RANBP17: variants seen among roughly 807,000 people sequenced by gnomAD.
RANBP17 encodes ran-binding protein 17.
Under a neutral mutation model 141.2 loss-of-function variants are expected in RANBP17, and 158 were observed. That is an observed-to-expected ratio of 1.12 (90% CI 0.98 to 1.28). The LOEUF (loss-of-function observed/expected upper bound fraction) is 1.28, where lower values mean the gene tolerates loss of function less well. RANBP17 is among the 50% of genes most tolerant of loss of function. RANBP17 has a pLI of 0.00. For missense variants in RANBP17, 1,438 were observed against 1,290.7 expected (o/e 1.11, Z -1.75); for synonymous variants, 430 against 450.0 (o/e 0.96, Z 0.56).
At chr5:171,048,598 C>T (rs61612661) in intron 14 of RANBP17, among the ~76,000 whole-genome samples, 4,131 of 152,082 alleles carry the variant, frequency 0.027, 156 homozygotes, top group African/African-American at 0.089. Context: ...CCATAGTACT[C>T]GATAGGTAGT....
chr5:171,006,279 A>G lies in RANBP17; in HGVS notation c.1710+37902A>G, dbSNP rs192484531. 4.7e-3 allele frequency among the ~76,000 whole-genome samples: 723 copies of G among 152,362 alleles called. 4 individuals are homozygous for G. The highest frequency in any genetic ancestry group is 0.017 in the African/African-American group (701 of 41,588). ...CCAAAGAATTATAAAACATGCTGCTATAAAAACACATGCACACGTATGTTC... is the reference window on the plus strand; with the variant it reads ...CCAAAGAATTATAAAACATGCTGCTGTAAAAACACATGCACACGTATGTTC... On this transcript the variant is annotated intron_variant, in intron 14 of 27. Coordinates refer to ENST00000523189, the MANE Select transcript of RANBP17 (RefSeq NM_022897.5).
chr5:171,071,250 T>G (rs1784618515), intron 14 of RANBP17, among the ~76,000 whole-genome samples: 1 of 152,112 alleles, frequency 6.6e-6, no homozygotes. Context: ...TTAGTGCAAT[T>G]GAGCTCAATA....
intron 14 of RANBP17, among the ~76,000 whole-genome samples, chr5:171,052,910 TG>T (rs1783049571): frequency 2.0e-5 from 3 of 151,922 alleles, no homozygotes. Flanking sequence ...TGGGGTACAA[TG>T]GCACGATCTC....
chr5:171,007,149 A>T (rs1272892061), intron 14 of RANBP17, among the ~76,000 whole-genome samples: 1 of 152,154 alleles, frequency 6.6e-6, no homozygotes, highest in African/African-American at 2.4e-5. Flanking sequence ...GTTGAATTGT[A>T]GGACAGAGTT....
chr5:171,138,876 G>A (rs1757499421), intron 14 of RANBP17, among the ~76,000 whole-genome samples: 1 of 152,122 alleles, frequency 6.6e-6, no homozygotes, highest in Non-Finnish European at 1.5e-5. Context: ...AGGAATTCAA[G>A]ACTATCCCGG....
At chr5:170,895,980 T>A (rs1770080454) in intron 4 of RANBP17, 70 bp from the exon 5 acceptor site, 3 of 732,898 alleles carry the variant, frequency 4.1e-6, no homozygotes, top group African/African-American at 1.8e-5. Context: ...TTGTAAATGT[T>A]ACCTGGTATA....
intron 25 of RANBP17, among the ~76,000 whole-genome samples, chr5:171,289,346 C>A (rs913596400): frequency 1.3e-5 from 2 of 152,198 alleles, no homozygotes; most frequent in African/African-American, 4.8e-5. Context: ...GAGCCTTCAA[C>A]TTTCTTAGAA....
intron 14 of RANBP17, among the ~76,000 whole-genome samples, chr5:171,141,424 A>G (rs974047669): frequency 1.4e-5 from 2 of 147,534 alleles, no homozygotes; most frequent in African/African-American, 5.1e-5. Context: ...GTGAAACCCC[A>G]TCTCTACTAA....
chr5:170,896,037 A>C lies in RANBP17; in HGVS notation c.424-13A>C. 2 of 1,561,660 alleles carry C rather than the reference A, an allele frequency of 1.3e-6. No homozygotes were observed. The highest frequency in any genetic ancestry group is 1.7e-6 in the Non-Finnish European group (2 of 1,151,362). ...GTCTCCACTTAGGCTAAACTTTGTTATTTTCTCCAAAGGGTACTGTGGAAC... is the reference window on the plus strand; with the variant it reads ...GTCTCCACTTAGGCTAAACTTTGTTCTTTTCTCCAAAGGGTACTGTGGAAC... On this transcript the variant is annotated splice_polypyrimidine_tract_variant and intron_variant, in intron 4 of 27. Transcript: ENST00000523189.
At chr5:171,276,701 T>G (rs1472454912) in intron 25 of RANBP17, among the ~76,000 whole-genome samples, 5 of 152,206 alleles carry the variant, frequency 3.3e-5, no homozygotes, top group Non-Finnish European at 7.3e-5. Flanking sequence ...CATACCTTTT[T>G]GCTCACATTC....
chr5:170,884,917 A>G (rs1312331707), intron 3 of RANBP17, among the ~76,000 whole-genome samples: 1 of 139,108 alleles, frequency 7.2e-6, no homozygotes, highest in Non-Finnish European at 1.6e-5. Context: ...AATCATCTGT[A>G]AATTCTGATG....
chr5:171,217,233 AC>A (rs1350568545), intron 21 of RANBP17, among the ~76,000 whole-genome samples: 28 of 152,264 alleles, frequency 1.8e-4, no homozygotes, highest in African/African-American at 6.7e-4. Context: ...CATATGTTGA[AC>A]CAGCTTTGCA....
chr5:171,015,885 A>G (rs1480220653), intron 14 of RANBP17, among the ~76,000 whole-genome samples: 1 of 152,146 alleles, frequency 6.6e-6, no homozygotes, highest in African/African-American at 2.4e-5. Context: ...CTGGCCTTGT[A>G]TGAACCCTAG....
chr5:171,263,798 C>G (rs976912162), intron 24 of RANBP17, among the ~76,000 whole-genome samples: 5 of 152,184 alleles, frequency 3.3e-5, no homozygotes, highest in African/African-American at 1.2e-4. Context: ...CATGGTAGCA[C>G]ACATCTATAA....
At chr5:170,943,888 C>T (rs982601893) in intron 12 of RANBP17, among the ~76,000 whole-genome samples, 2 of 152,098 alleles carry the variant, frequency 1.3e-5, no homozygotes, top group East Asian at 3.9e-4. Flanking sequence ...GGTAAGAGCA[C>T]TTAAAATCTA....
chr5:171,251,898 A>G, intron 24 of RANBP17: 1 of 1,562,662 alleles, frequency 6.4e-7, no homozygotes, highest in Non-Finnish European at 8.8e-7. Flanking sequence ...AGATTGGTCC[A>G]GAACAGTTTC....
Position 171,035,980 on chromosome 5 carries a change from C to A in RANBP17, c.1710+67603C>A, listed in dbSNP as rs79352351. ...GTGATCTCAGCTTACTAAATCTCCA[C>A]CTCCCAGTCTTAAGCAGTTCTTGTG... On this transcript the variant is annotated intron_variant, in intron 14 of 27. Coordinates refer to ENST00000523189, the MANE Select transcript of RANBP17 (RefSeq NM_022897.5). Among the ~76,000 whole-genome samples the A allele has an allele frequency of 3.6e-3, 551 of 152,136 alleles. 4 individuals are homozygous for A. Among genetic ancestry groups the A allele is most frequent in the African/African-American group, 0.012 (514 of 41,530 alleles).
chr5:171,150,419 CCT>C (rs1225720363), intron 14 of RANBP17, among the ~76,000 whole-genome samples: 3 of 150,458 alleles, frequency 2.0e-5, no homozygotes, highest in African/African-American at 7.4e-5. Context: ...TTATATGTCC[CCT>C]CTCATTAAAA....
At chr5:171,242,426 C>T (rs1764935867) in intron 23 of RANBP17, among the ~76,000 whole-genome samples, 1 of 152,158 alleles carries the variant, frequency 6.6e-6, no homozygotes, top group Non-Finnish European at 1.5e-5. Flanking sequence ...ATAATTCACA[C>T]AGTCTTCTAA....
Sources: gnomAD v4.1 joint callset for allele counts (sites outside exome capture counted in the v4.1 genomes callset) on GRCh38, gnomAD v4.1.1 for gene constraint, MANE v1.5 for transcripts, NCBI Gene and HGNC (gene_info 2026-07-23, HGNC 2026-07-21) for gene names.